The following MTSS2 variants were observed in gnomAD, a reference collection of about 807,000 sequenced individuals.
MTSS2 encodes MTSS I-BAR domain containing 2.
A neutral mutation model predicts 67.1 loss-of-function variants in MTSS2; 27 were observed. That is an observed-to-expected ratio of 0.40 (90% CI 0.30 to 0.55). The LOEUF (loss-of-function observed/expected upper bound fraction) is 0.55. MTSS2 is among the 20% of genes least tolerant of loss of function. The pLI, the probability that MTSS2 is intolerant of heterozygous loss-of-function variation, is 0.43. For synonymous variants in MTSS2, 624 were observed against 468.6 expected (o/e 1.33, Z -4.28); for missense variants, 1,171 against 1,067.8 (o/e 1.10, Z -1.35).
chr16:70,669,216 G>C (rs375484575), intron 11 of MTSS2, among the ~76,000 whole-genome samples: 15 of 151,938 alleles, frequency 9.9e-5, no homozygotes, highest in African/African-American at 3.6e-4. Context: ...CCCCCATTAA[G>C]ACAATAAAAA....
rs916059470 is a variant in MTSS2 at position 70,661,809 on chromosome 16, C to G, written c.*1868G>C. On this transcript the variant is annotated 3_prime_UTR_variant, in exon 15 of 15. Coordinates refer to ENST00000338779, the MANE Select transcript of MTSS2 (RefSeq NM_138383.3). ...CAGGACCTCTGACGCCCAGGTCTGCCCACCCACTGCCCCTCACTCTATTCC... is the reference window on the plus strand; with the variant it reads ...CAGGACCTCTGACGCCCAGGTCTGCGCACCCACTGCCCCTCACTCTATTCC... The G allele has an allele frequency of 5.5e-6, 1 of 180,966 alleles. No homozygotes were observed. The highest frequency in any genetic ancestry group is 1.2e-5 in the Non-Finnish European group (1 of 85,868). 11.2% of individuals were successfully genotyped at this position (180,966 alleles called of 1,614,324 possible). A position where few individuals can be genotyped will look rare whatever the true frequency, so the allele number is the denominator to read the frequency against.
Position 70,674,526 on chromosome 16 carries a change from G to A in MTSS2, c.833C>T (p.Ala278Val). Reference protein sequence around the residue: ...SSSRKSSMCSAPSSSSSAKGG... With the variant: ...SSSRKSSMCSVPSSSSSAKGG... The stretch of plus-strand genomic sequence containing the variant: ...CTTGGCACTGCTACTGCTGCTGGGG[G>A]CACTAGGGGAGTGAAGGAAGAGGGC... The change falls in exon 11 of 15, where the codon GCC becomes GTC. Residue 278 changes from alanine to valine, a missense_variant and splice_region_variant. By Grantham distance (64) the Ala-to-Val change is moderately conservative (BLOSUM62 0). Around this residue, in one of 2 missense-constraint regions of MTSS2, gnomAD observed 924 missense variants for 756.0 expected, o/e 1.22. Transcript: ENST00000338779. 10 of 1,612,430 alleles carry A rather than the reference G, an allele frequency of 6.2e-6. No individual in the cohort carries two copies. Among genetic ancestry groups the A allele is most frequent in the Non-Finnish European group, 8.5e-6 (10 of 1,179,752 alleles).
chr16:70,664,835 C>T (rs1434183974), intron 13 of MTSS2, 72 bp from the exon 14 acceptor site: 2 of 1,525,014 alleles, frequency 1.3e-6, no homozygotes, highest in Non-Finnish European at 1.8e-6. Flanking sequence ...GGCAGCCCTG[C>T]CAGGTGGTTG....
intron 10 of MTSS2, among the ~76,000 whole-genome samples, chr16:70,674,826 G>A (rs1328999389): frequency 6.6e-6 from 1 of 152,168 alleles, no homozygotes; most frequent in East Asian, 1.9e-4. Context: ...AAGAACAGTT[G>A]TCCAGGCTGG....
rs547591161 is a variant in MTSS2, at chr16:70,674,427, G to A, written c.932C>T (p.Ala311Val). 32 of 1,614,168 alleles carry A rather than the reference G, an allele frequency of 2.0e-5. No homozygotes were observed. The African/African-American group carries it at 2.8e-4, about 14-fold the overall frequency. ...GCGAGCGGTGGTGGTGGCTGGCTGC[G>A]CCAGGCTGCGGTAGCGACAGGTGGA... is the stretch of plus-strand genomic sequence containing the variant. ...PSSTCRYRSL[A>V]QPATTTARLS... The change falls in exon 11 of 15, where the codon GCG becomes GTG. Residue 311 changes from alanine to valine, a missense_variant. Ala to Val is a moderately conservative substitution (Grantham distance 64). Coordinates refer to ENST00000338779, the MANE Select transcript of MTSS2 (RefSeq NM_138383.3).
At chr16:70,674,570 G>A (rs1234632250) in intron 10 of MTSS2, 42 bp from the exon 11 acceptor site, 1 of 1,565,896 alleles carries the variant, frequency 6.4e-7, no homozygotes. Context: ...CAGACAGGGA[G>A]ACAGAGGGGT....
At chr16:70,665,896 TCA>T (rs1186744867) in intron 11 of MTSS2, 7 of 198,258 alleles carry the variant, frequency 3.5e-5, no homozygotes, top group Non-Finnish European at 6.2e-5. Context: ...GTTGATGGTG[TCA>T]CAGTTTTCTC....
chr16:70,676,498 T>A (rs1468029005), intron 10 of MTSS2, among the ~76,000 whole-genome samples: 1 of 152,160 alleles, frequency 6.6e-6, no homozygotes, highest in Non-Finnish European at 1.5e-5. Context: ...CCTGGCAGAG[T>A]CCAGTGGTTA....
intron 9 of MTSS2, 55 bp from the exon 10 acceptor site, chr16:70,677,033 G>T: frequency 1.5e-6 from 2 of 1,358,758 alleles, no homozygotes; most frequent in Non-Finnish European, 1.0e-6. Context: ...AGCTAGTAGG[G>T]CCAGAGGCCC....
chr16:70,669,948 G>A (rs150573290), intron 11 of MTSS2, among the ~76,000 whole-genome samples: 23 of 151,968 alleles, frequency 1.5e-4, no homozygotes, highest in East Asian at 5.8e-4. Context: ...AATGCCAAGC[G>A]CTGGTGAGGA....
intron 7 of MTSS2, 73 bp from the exon 8 acceptor site, chr16:70,678,482 C>A (rs2053192879): frequency 4.6e-6 from 7 of 1,525,578 alleles, no homozygotes; most frequent in East Asian, 2.3e-5. Flanking sequence ...TGGGCTCAGA[C>A]CCTGGTGGTG....
intron 11 of MTSS2, among the ~76,000 whole-genome samples, chr16:70,669,716 C>CT (rs2052855344): frequency 6.6e-6 from 1 of 151,612 alleles, no homozygotes; most frequent in Non-Finnish European, 1.5e-5. Context: ...ACTCGGGAGG[C>CT]TGAGGCAGGA....
rs1319134888 is a variant in MTSS2 at position 70,664,432 on chromosome 16, A to G, written c.1489T>C (p.Tyr497His). Residue 497 changes from tyrosine (Y) to histidine (H), a missense_variant, in exon 15 of 15, where the codon TAC becomes CAC. By Grantham distance (83) the Tyr-to-His change is moderately conservative (BLOSUM62 2). Transcript: ENST00000338779. Reference sequence around the variant, plus strand: ...CTGTCCGCATCCCCATTCACGGAGTAGCAGTCGTAGTCGGAGCCTGGGGGC... The same window carrying G: ...CTGTCCGCATCCCCATTCACGGAGTGGCAGTCGTAGTCGGAGCCTGGGGGC... ...IPSQGSDYDC[Y>H]SVNGDADSEG... 1 of 1,542,014 alleles carries G rather than the reference A, an allele frequency of 6.5e-7. No homozygotes were observed. The highest frequency in any genetic ancestry group is 8.7e-7 in the Non-Finnish European group (1 of 1,146,894).
intron 14 of MTSS2, 32 bp downstream of exon 14, chr16:70,664,566 T>C: frequency 6.2e-7 from 1 of 1,605,274 alleles, no homozygotes; most frequent in Non-Finnish European, 8.5e-7. Context: ...GTCCCAGCTG[T>C]CCCTGGTCCC....
intron 1 of MTSS2, 28 bp from the exon 2 acceptor site, chr16:70,681,053 G>T: frequency 6.3e-7 from 1 of 1,594,840 alleles, no homozygotes; most frequent in South Asian, 1.1e-5. Context: ...GAGAAAGTGA[G>T]CTTCTTGTGG....
At chr16:70,680,472 C>G (rs1302801367) in intron 3 of MTSS2, among the ~76,000 whole-genome samples, 2 of 152,210 alleles carry the variant, frequency 1.3e-5, no homozygotes, top group South Asian at 2.1e-4. Flanking sequence ...TCACCTGACC[C>G]TGCGTGCTCT....
At chr16:70,681,776 T>C (rs868557525) in intron 1 of MTSS2, among the ~76,000 whole-genome samples, 2 of 152,202 alleles carry the variant, frequency 1.3e-5, no homozygotes, top group Non-Finnish European at 2.9e-5. Flanking sequence ...GGTTTCCCAA[T>C]AGGGAGGTCG....
chr16:70,678,699 C>T (rs1019585168), intron 7 of MTSS2, among the ~76,000 whole-genome samples: 1 of 152,246 alleles, frequency 6.6e-6, no homozygotes, highest in African/African-American at 2.4e-5. Context: ...GCTCTGCCAA[C>T]ACGGAGACTC....
intron 9 of MTSS2, 127 bp from the exon 10 acceptor site, chr16:70,677,105 C>T: frequency 2.9e-6 from 2 of 685,370 alleles, no homozygotes; most frequent in East Asian, 5.7e-5. Context: ...GAAGCCCCCT[C>T]CCCCAGGCTC....
Sources: gnomAD v4.1 joint callset for allele counts (sites outside exome capture counted in the v4.1 genomes callset) on GRCh38, gnomAD v4.1.1 for gene constraint, gnomAD v4.1.1 regional missense constraint, MANE v1.5 for transcripts, NCBI Gene and HGNC (gene_info 2026-07-23, HGNC 2026-07-21) for gene names.